The following PTPRN2 variants were observed in gnomAD, a reference collection of about 807,000 sequenced individuals.
PTPRN2 encodes protein tyrosine phosphatase receptor type N2.
PTPRN2 carries 74 observed loss-of-function variants against 118.8 expected under a neutral mutation model. The ratio of observed to expected loss-of-function variants is 0.62; its 90% CI spans 0.52 to 0.76. PTPRN2 has a LOEUF of 0.76. PTPRN2 is among the 30% of genes least tolerant of loss of function. PTPRN2 has a pLI of 0.00. For synonymous variants in PTPRN2, 641 were observed against 608.0 expected (o/e 1.05, Z -0.80); for missense variants, 1,481 against 1,394.4 (o/e 1.06, Z -0.99).
intron 12 of PTPRN2, among the ~76,000 whole-genome samples, chr7:157,849,113 G>A (rs1034865063): frequency 6.6e-6 from 1 of 152,220 alleles, no homozygotes; most frequent in Non-Finnish European, 1.5e-5. Context: ...GTCCTTCTCA[G>A]TTCCCACCGG....
At chr7:158,270,822 C>G (rs1441558174) in intron 3 of PTPRN2, among the ~76,000 whole-genome samples, 542 of 10,332 alleles carry the variant, frequency 0.052, 71 homozygotes, top group African/African-American at 0.099. Context: ...GGACCGCCCC[C>G]TCCACCTGGA....
intron 11 of PTPRN2, among the ~76,000 whole-genome samples, chr7:157,991,250 G>C (rs1804232483): frequency 6.6e-6 from 1 of 152,214 alleles, no homozygotes; most frequent in Non-Finnish European, 1.5e-5. Context: ...CATCCTCGGA[G>C]GGTGGCTAAG....
At chr7:158,204,340 C>G (rs1406053817) in intron 4 of PTPRN2, among the ~76,000 whole-genome samples, 1 of 152,250 alleles carries the variant, frequency 6.6e-6, no homozygotes, top group Admixed American at 6.5e-5. Context: ...GGGACGGTTA[C>G]CAGTTCTCCA....
intron 12 of PTPRN2, among the ~76,000 whole-genome samples, chr7:157,847,338 TCATTA>T (rs1323590969): frequency 1.4e-5 from 2 of 147,244 alleles, no homozygotes; most frequent in East Asian, 4.2e-4. Flanking sequence ...GAGCCCTCTC[TCATTA>T]CATCTTCTGT....
chr7:158,109,749 G>T (rs1226703878), intron 10 of PTPRN2, among the ~76,000 whole-genome samples: 2 of 151,884 alleles, frequency 1.3e-5, no homozygotes, highest in Non-Finnish European at 2.9e-5. Context: ...CTGAGTGAAT[G>T]ATATCACCCC....
intron 12 of PTPRN2, among the ~76,000 whole-genome samples, chr7:157,800,918 C>CT (rs1805238370): frequency 6.6e-6 from 1 of 151,760 alleles, no homozygotes; most frequent in South Asian, 2.1e-4. Context: ...CACCACTGCA[C>CT]TCCAGCCTGG....
chr7:157,931,589 A>C (rs147058438), intron 11 of PTPRN2, among the ~76,000 whole-genome samples: 2,989 of 152,316 alleles, frequency 0.02, 42 homozygotes, highest in Non-Finnish European at 0.034. Context: ...AAACTGTTTC[A>C]CAAGCCTCTG....
At chr7:158,276,573 G>A (rs917489193) in intron 3 of PTPRN2, among the ~76,000 whole-genome samples, 5 of 152,100 alleles carry the variant, frequency 3.3e-5, no homozygotes, top group African/African-American at 7.2e-5. Flanking sequence ...CTGGGCAGTC[G>A]TGGTGACCGC....
rs1435729349 is a variant in PTPRN2 at position 157,619,645 on chromosome 7, C to T, written c.2344+1717G>A. 1.3e-5 allele frequency among the ~76,000 whole-genome samples: 2 copies of T among 152,224 alleles called. No individual in the cohort carries two copies. Among genetic ancestry groups the T allele is most frequent in the African/African-American group, 4.8e-5 (2 of 41,444 alleles). Reference sequence around the variant, plus strand: ...ACCCTCAGACCTCATAGAAACTGGTCTGAACACTAAATGGGTAGCAAGAAG... The same window carrying T: ...ACCCTCAGACCTCATAGAAACTGGTTTGAACACTAAATGGGTAGCAAGAAG... On this transcript the variant is annotated intron_variant, in intron 15 of 22. Transcript: ENST00000389418. The surrounding 1 kb of genome is among the most constrained non-coding windows in gnomAD (Gnocchi z 5.3).
intron 12 of PTPRN2, among the ~76,000 whole-genome samples, chr7:157,799,149 C>A (rs542692091): frequency 9.2e-5 from 14 of 152,208 alleles, no homozygotes; most frequent in African/African-American, 2.9e-4. Flanking sequence ...CGGGGTGGGG[C>A]CAGCAGGAGC....
intron 19 of PTPRN2, among the ~76,000 whole-genome samples, chr7:157,575,386 A>G (rs375543348): frequency 6.6e-6 from 1 of 152,276 alleles, no homozygotes; most frequent in East Asian, 1.9e-4. Context: ...TTTAGGATGT[A>G]CTCAGGACTC....
At chr7:158,336,368 A>G (rs1192732729) in intron 2 of PTPRN2, among the ~76,000 whole-genome samples, 1 of 145,986 alleles carries the variant, frequency 6.8e-6, no homozygotes, top group Non-Finnish European at 1.5e-5. Context: ...TCTCACCATA[A>G]GAGCTGACAC....
At chr7:158,104,841 C>G (rs188540759) in intron 10 of PTPRN2, among the ~76,000 whole-genome samples, 2 of 150,360 alleles carry the variant, frequency 1.3e-5, no homozygotes, top group Non-Finnish European at 3.0e-5. Context: ...CATCCCAGCT[C>G]CACCCTCAGC....
chr7:157,747,021 G>A (rs201047673), intron 12 of PTPRN2, among the ~76,000 whole-genome samples: 1 of 150,090 alleles, frequency 6.7e-6, no homozygotes, highest in African/African-American at 2.5e-5. Context: ...GCTGTGGGCT[G>A]TTGAGGTGAT....
At chr7:157,658,985 A>G (rs747697996) in intron 13 of PTPRN2, among the ~76,000 whole-genome samples, 1 of 151,466 alleles carries the variant, frequency 6.6e-6, no homozygotes, top group Non-Finnish European at 1.5e-5. Flanking sequence ...GAAACACTCC[A>G]TGTGTCCCTT....
chr7:157,711,347 ACGCGCCAGAGG>A (rs1798603065), intron 12 of PTPRN2, among the ~76,000 whole-genome samples: 1 of 20,388 alleles, frequency 4.9e-5, no homozygotes, highest in South Asian at 2.4e-3. Flanking sequence ...CGAGAGCCCC[ACGCGCCAGAGG>A]TTCCGGGGCA....
chr7:158,266,553 A>C (rs1797897476), intron 3 of PTPRN2, among the ~76,000 whole-genome samples: 1 of 151,856 alleles, frequency 6.6e-6, no homozygotes, highest in African/African-American at 2.4e-5. Flanking sequence ...GTCTGGCAGA[A>C]AGAGCCGGGG....
intron 5 of PTPRN2, among the ~76,000 whole-genome samples, chr7:158,189,010 C>T (rs1825538843): frequency 1.3e-5 from 2 of 152,172 alleles, no homozygotes; most frequent in Admixed American, 1.3e-4. Context: ...GGAAGGCATC[C>T]TGTCTCTGGC....
intron 11 of PTPRN2, among the ~76,000 whole-genome samples, chr7:158,079,181 C>G (rs1336323986): frequency 6.6e-6 from 1 of 152,124 alleles, no homozygotes; most frequent in Non-Finnish European, 1.5e-5. Flanking sequence ...GTTCATGACA[C>G]CATAGAATTA....
Sources: gnomAD v4.1 joint callset for allele counts (sites outside exome capture counted in the v4.1 genomes callset) on GRCh38, gnomAD v4.1.1 for gene constraint, Gnocchi (gnomAD v3.1) non-coding constraint, MANE v1.5 for transcripts, NCBI Gene and HGNC (gene_info 2026-07-23, HGNC 2026-07-21) for gene names.